Variants in GIMAP8 observed in about 807,000 individuals in gnomAD.
GIMAP8 encodes the protein GTPase, IMAP family member 8.
In GIMAP8, 29 loss-of-function variants were observed where a neutral mutation model predicts 35.6. That is an observed-to-expected ratio of 0.81 (90% CI 0.61 to 1.11). GIMAP8 has a LOEUF of 1.11. Ranked by LOEUF, GIMAP8 falls within the 50% of genes most tolerant of loss-of-function variation. The pLI is 0.00. For synonymous variants in GIMAP8, 335 were observed against 308.7 expected, an observed-to-expected ratio of 1.09 and a Z score of -0.89; for missense variants, 811 against 805.0, an observed-to-expected ratio of 1.01 and a Z score of -0.09.
Position 150,451,623 on chromosome 7 carries a change from C to T in GIMAP8, c.-29+448C>T, listed in dbSNP as rs1196052606. On this transcript the variant is annotated intron_variant, in intron 1 of 4. Coordinates refer to ENST00000307271, the MANE Select transcript of GIMAP8 (RefSeq NM_175571.4). The surrounding 1 kb of genome is among the most constrained non-coding windows in gnomAD (Gnocchi z 4.1). ...GGAGGAAGAAGCAGGCGGAAGCAGC[C>T]GGTCAGATGCCCCATGAAGCTAGAT... 1.3e-5 allele frequency among the ~76,000 whole-genome samples: 2 copies of T among 152,146 alleles called. No individual in the cohort carries two copies. Among genetic ancestry groups the T allele is most frequent in the South Asian group, 2.1e-4 (1 of 4,828 alleles).
chr7:150,466,660 T>G lies in GIMAP8; in HGVS notation c.-28-11T>G, dbSNP rs1281592159. 9 of 1,597,894 alleles carry G rather than the reference T, an allele frequency of 5.6e-6. No individual in the cohort carries two copies. Among genetic ancestry groups the G allele is most frequent in the Middle Eastern group, 2.0e-4 (1 of 4,884 alleles). On this transcript the variant is annotated splice_polypyrimidine_tract_variant and intron_variant, in intron 1 of 4. Coordinates refer to ENST00000307271, the MANE Select transcript of GIMAP8 (RefSeq NM_175571.4). ...AGTTGAACATTAATGTGTTGTTTTCTGTCCCAACAGAACAAGCGGGAGCCT... is the reference window on the plus strand; with the variant it reads ...AGTTGAACATTAATGTGTTGTTTTCGGTCCCAACAGAACAAGCGGGAGCCT...
At chr7:150,474,761 A>C in intron 4 of GIMAP8, 123 bp downstream of exon 4, 3 of 597,900 alleles carry the variant, frequency 5.0e-6, no homozygotes, top group Non-Finnish European at 7.7e-6. Context: ...TTTAGGGTAC[A>C]TGTGCACATT....
chr7:150,453,393 C>A (rs76735277), intron 1 of GIMAP8, among the ~76,000 whole-genome samples: 1 of 152,364 alleles, frequency 6.6e-6, no homozygotes, highest in African/African-American at 2.4e-5. Flanking sequence ...CAGAGAGAGG[C>A]CTCTGCCAAG....
chr7:150,467,922 C>G (rs547805516), intron 2 of GIMAP8, among the ~76,000 whole-genome samples: 1 of 152,244 alleles, frequency 6.6e-6, no homozygotes, highest in South Asian at 2.1e-4. Context: ...CTCCACTTGT[C>G]TCTCTTATAC....
chr7:150,453,851 GC>G (rs1413045194), intron 1 of GIMAP8, among the ~76,000 whole-genome samples: 4 of 151,590 alleles, frequency 2.6e-5, no homozygotes, highest in African/African-American at 9.7e-5. Flanking sequence ...AGTGGTGGGT[GC>G]TGGGTATGGG....
chr7:150,459,345 C>T lies in GIMAP8; in HGVS notation c.-28-7326C>T, dbSNP rs180924177. ...CAAAGTGGCCAGGTGGCATTCTTAA[C>T]TTCTAGTTCAATGGAGTCATTGTTG... On this transcript the variant is annotated intron_variant, in intron 1 of 4. Coordinates refer to ENST00000307271, the MANE Select transcript of GIMAP8 (RefSeq NM_175571.4). Among the ~76,000 whole-genome samples the T allele has an allele frequency of 4.4e-4, 67 of 152,294 alleles. 1 individual carries two copies. Among genetic ancestry groups the T allele is most frequent in the African/African-American group, 1.6e-3 (67 of 41,546 alleles).
chr7:150,457,176 G>GA (rs1801746957), intron 1 of GIMAP8, among the ~76,000 whole-genome samples: 1 of 152,236 alleles, frequency 6.6e-6, no homozygotes, highest in Non-Finnish European at 1.5e-5. Flanking sequence ...AGAACAAAGG[G>GA]ACAGGCTCTG....
rs1801980461 is a variant in GIMAP8, at chr7:150,467,069, A to G, written c.371A>G (p.Glu124Gly). 2 of 1,614,240 alleles carry G rather than the reference A, an allele frequency of 1.2e-6. No homozygotes were observed. Among genetic ancestry groups the G allele is most frequent in the Admixed American group, 1.7e-5 (1 of 60,034 alleles). The change falls in exon 2 of 5, where the codon GAA (glutamate) becomes GGA (glycine). Residue 124 changes from glutamate to glycine, a missense_variant. Transcript: ENST00000307271. Reference protein sequence around the residue: ...AKGIQQVFGAEARRHIIIVFT... With the variant: ...AKGIQQVFGAGARRHIIIVFT... ...GGCATCCAACAAGTGTTTGGAGCTG[A>G]AGCCAGGAGGCACATCATTATTGTC...
intron 1 of GIMAP8, among the ~76,000 whole-genome samples, chr7:150,455,486 T>C (rs1188130881): frequency 2.0e-5 from 3 of 152,210 alleles, no homozygotes; most frequent in Non-Finnish European, 4.4e-5. Flanking sequence ...AAAAGTCCAA[T>C]GGACAAAACA....
intron 1 of GIMAP8, among the ~76,000 whole-genome samples, chr7:150,458,141 G>T (rs956613682): frequency 6.6e-6 from 1 of 150,756 alleles, no homozygotes; most frequent in Non-Finnish European, 1.5e-5. Context: ...TGATGTGTGT[G>T]GTGTGTGTGT....
chr7:150,451,386 G>C lies in GIMAP8; in HGVS notation c.-29+211G>C, dbSNP rs1043511040. 8.8e-6 allele frequency among the ~76,000 whole-genome samples: 1 copy of C among 114,152 alleles called. No individual in the cohort carries two copies. Among genetic ancestry groups the C allele is most frequent in the Non-Finnish European group, 2.0e-5 (1 of 49,902 alleles). The allele number at this position is 114,152 out of a possible 152,430, so 74.9% of individuals were successfully genotyped here. On this transcript the variant is annotated intron_variant, in intron 1 of 4. Coordinates refer to ENST00000307271, the MANE Select transcript of GIMAP8 (RefSeq NM_175571.4). The surrounding 1 kb of genome is among the most constrained non-coding windows in gnomAD (Gnocchi z 4.1). The stretch of plus-strand genomic sequence containing the variant: ...ATGGGAGAGGAGGCTGGGTTGAATG[G>C]CAGGGTTGAATGGCAGAGTTGAATG...
chr7:150,474,074 A>G lies in GIMAP8; in HGVS notation c.745A>G (p.Thr249Ala). Residue 249 changes from threonine to alanine, a missense_variant, in exon 4 of 5, where the codon ACA becomes GCA. Coordinates refer to ENST00000307271, the MANE Select transcript of GIMAP8 (RefSeq NM_175571.4). Reference sequence around the variant, plus strand: ...GCAGAATCCGGGGACATCAGAACTGACAGTCCTCCTTGTGGGGAAACGCGG... The same window carrying G: ...GCAGAATCCGGGGACATCAGAACTGGCAGTCCTCCTTGTGGGGAAACGCGG... Reference protein sequence around the residue: ...PEQNPGTSELTVLLVGKRGAG... With the variant: ...PEQNPGTSELAVLLVGKRGAG... 1 of 1,614,170 alleles carries G rather than the reference A, an allele frequency of 6.2e-7. No individual in the cohort carries two copies. The highest frequency in any genetic ancestry group is 8.5e-7 in the Non-Finnish European group (1 of 1,180,026).
rs114936714 is a variant in GIMAP8, at chr7:150,459,681, A to G, written c.-28-6990A>G. ...AGAAGGCCATTCCACTTTTCTATCA[A>G]TTCCGCTCCTTCAGGATGGCAGGGA... On this transcript the variant is annotated intron_variant, in intron 1 of 4. Transcript: ENST00000307271. 2.6e-3 allele frequency among the ~76,000 whole-genome samples: 396 copies of G among 152,292 alleles called. 4 individuals carry two copies. The highest frequency in any genetic ancestry group is 9.3e-3 in the African/African-American group (386 of 41,560).
chr7:150,470,758 T>TTG, intron 2 of GIMAP8, 71 bp from the exon 3 acceptor site: 2 of 703,166 alleles, frequency 2.8e-6, no homozygotes, highest in East Asian at 5.9e-5. Flanking sequence ...TTTTTTTTTT[T>TTG]TTTTTTTTTT....
Position 150,466,830 on chromosome 7 carries a change from A to G in GIMAP8, c.132A>G (p.Thr44=). The change falls in exon 2 of 5, where the codon ACA becomes ACG. Residue 44 remains threonine, a synonymous_variant. Coordinates refer to ENST00000307271, the MANE Select transcript of GIMAP8 (RefSeq NM_175571.4). The part of the protein sequence containing the change: ...HVFKSKFSDQ[T]VIKMCQRESW... Reference sequence around the variant, plus strand: ...TCAAGTCCAAGTTCAGTGATCAGACAGTGATCAAAATGTGCCAGAGAGAGA... The same window carrying G: ...TCAAGTCCAAGTTCAGTGATCAGACGGTGATCAAAATGTGCCAGAGAGAGA... 2 of 1,614,238 alleles carry G rather than the reference A, an allele frequency of 1.2e-6. No individual in the cohort carries two copies. The highest frequency in any genetic ancestry group is 1.7e-6 in the Non-Finnish European group (2 of 1,180,022).
Position 150,477,144 on chromosome 7 carries a change from CG to C in GIMAP8, c.1365del (p.Asn456ThrfsTer55). The C allele has an allele frequency of 6.2e-7, 1 of 1,613,654 alleles. No homozygotes were observed. The highest frequency in any genetic ancestry group is 8.5e-7 in the Non-Finnish European group (1 of 1,179,634). ...GRSGTGKSATGNSILGSLVFT... is the reference protein window; with the variant it reads ...GRSGTGKSATXNSILGSLVFT... ...GAAGCGGGACTGGGAAGAGTGCGACCGGGAACTCTATCCTGGGGAGCCTCGT... is the reference window on the plus strand; with the variant it reads ...GAAGCGGGACTGGGAAGAGTGCGACCGGAACTCTATCCTGGGGAGCCTCGT... On this transcript the variant is annotated frameshift_variant, in exon 5 of 5. Coordinates refer to ENST00000307271, the MANE Select transcript of GIMAP8 (RefSeq NM_175571.4). LOFTEE classifies it low-confidence loss of function (END_TRUNC).
chr7:150,470,771 G>C (rs530593174), intron 2 of GIMAP8, 58 bp from the exon 3 acceptor site: 1 of 256,828 alleles, frequency 3.9e-6, no homozygotes, highest in African/African-American at 4.6e-5. Context: ...TTTTTTTTCA[G>C]TTTGTGGAAG....
Position 150,479,336 on chromosome 7 carries a change from A to C in GIMAP8, c.*1556A>C, listed in dbSNP as rs1802315698. The C allele has an allele frequency of 6.6e-6, 1 of 152,254 alleles. No homozygotes were observed. The highest frequency in any genetic ancestry group is 6.5e-5 in the Admixed American group (1 of 15,286). The allele number at this position is 152,254 out of a possible 1,614,324, so 9.4% of individuals were successfully genotyped here. ...TGAAATAAAAATTGGAAAGTAAAAA[A>C]AAGTGTGTAAATATATTTAGTTGAA... On this transcript the variant is annotated 3_prime_UTR_variant, in exon 5 of 5. Transcript: ENST00000307271.
chr7:150,460,607 G>C (rs922665668), intron 1 of GIMAP8, among the ~76,000 whole-genome samples: 3 of 152,208 alleles, frequency 2.0e-5, no homozygotes, highest in Admixed American at 1.3e-4. Context: ...TGTCCACTTT[G>C]GGTAGTGCCT....
Sources: gnomAD v4.1 joint callset for allele counts (sites outside exome capture counted in the v4.1 genomes callset) on GRCh38, gnomAD v4.1.1 for gene constraint, Gnocchi (gnomAD v3.1) non-coding constraint, MANE v1.5 for transcripts, NCBI Gene and HGNC (gene_info 2026-07-23, HGNC 2026-07-21) for gene names.